Variants in MDFIC observed in about 807,000 individuals in gnomAD.
MDFIC encodes the protein MyoD family inhibitor domain containing, also known as myoD family inhibitor domain-containing protein.
A neutral mutation model predicts 23.2 loss-of-function variants in MDFIC; 17 were observed. The observed-to-expected ratio is 0.73, with a 90% CI of 0.50 to 1.10. The LOEUF is 1.10. MDFIC is among the 50% of genes least tolerant of loss of function. The pLI is 0.00. For missense variants in MDFIC, 356 were observed against 316.6 expected, an observed-to-expected ratio of 1.12 and a Z score of -0.95; for synonymous variants, 120 against 115.2, an observed-to-expected ratio of 1.04 and a Z score of -0.27.
At chr7:114,953,317 A>G (rs1792816451) in intron 3 of MDFIC, among the ~76,000 whole-genome samples, 1 of 152,232 alleles carries the variant, frequency 6.6e-6, no homozygotes, top group Admixed American at 6.5e-5. Context: ...GAAACAAAAA[A>G]ATAGGTATAT....
In MDFIC at chr7:114,942,483, C is replaced by T. The variant is rs377331628; in HGVS notation, c.217+86C>T. ...TCGTTAATTGCCCCAGATAATTCTG[C>T]TACAAATCCGTAAATCAACAGCGTT... On this transcript the variant is annotated intron_variant, in intron 3 of 4. Coordinates refer to ENST00000393486, the MANE Select transcript of MDFIC (RefSeq NM_001166345.3). The T allele has an allele frequency of 1.9e-5, 20 of 1,066,568 alleles. No individual in the cohort carries two copies. The African/African-American group carries it at 2.6e-4, about 14-fold the overall frequency. The allele number at this position is 1,066,568 out of a possible 1,614,324, so 66.1% of individuals were successfully genotyped here. A position where few individuals can be genotyped will look rare whatever the true frequency, so the allele number is the denominator to read the frequency against.
At chr7:114,927,179 T>C (rs1448610851) in intron 2 of MDFIC, among the ~76,000 whole-genome samples, 1 of 152,204 alleles carries the variant, frequency 6.6e-6, no homozygotes, top group Admixed American at 6.5e-5. Context: ...CCCAGACTTA[T>C]AGAATTAGGA....
chr7:114,992,113 T>C (rs745878134), intron 4 of MDFIC, among the ~76,000 whole-genome samples: 52 of 152,212 alleles, frequency 3.4e-4, no homozygotes, highest in Non-Finnish European at 5.7e-4. Flanking sequence ...TTTGAAGCAA[T>C]TGTGAATGGG....
intron 2 of MDFIC, among the ~76,000 whole-genome samples, chr7:114,925,206 G>A (rs1219635876): frequency 6.6e-6 from 1 of 151,932 alleles, no homozygotes; most frequent in Non-Finnish European, 1.5e-5. Flanking sequence ...TATATATATA[G>A]GTAAATAATG....
chr7:114,998,483 T>A lies in MDFIC; in HGVS notation c.494-17205T>A, dbSNP rs140579112. On this transcript the variant is annotated intron_variant, in intron 4 of 4. Transcript: ENST00000393486. Reference sequence around the variant, plus strand: ...CAGCTGGACTAAAGAAACATACTGATGTGTAATACATGCCTTAATTCATGT... The same window carrying A: ...CAGCTGGACTAAAGAAACATACTGAAGTGTAATACATGCCTTAATTCATGT... Among the ~76,000 whole-genome samples, 203 of 152,326 alleles carry A rather than the reference T, an allele frequency of 1.3e-3. 4 individuals are homozygous for A. In the East Asian group the frequency reaches 0.037, roughly 27 times the overall value.
chr7:114,982,764 A>G (rs1193146770), intron 4 of MDFIC, among the ~76,000 whole-genome samples: 1 of 152,168 alleles, frequency 6.6e-6, no homozygotes, highest in Non-Finnish European at 1.5e-5. Flanking sequence ...ATTTTCTCTC[A>G]GTTCTGGAGG....
intron 4 of MDFIC, among the ~76,000 whole-genome samples, chr7:114,990,672 A>G (rs1443131905): frequency 1.3e-5 from 2 of 152,230 alleles, no homozygotes; most frequent in African/African-American, 4.8e-5. Context: ...TACAAAGGAC[A>G]TGAACTCATC....
At chr7:114,928,118 T>C (rs1260164388) in intron 2 of MDFIC, among the ~76,000 whole-genome samples, 1 of 152,204 alleles carries the variant, frequency 6.6e-6, no homozygotes, top group Non-Finnish European at 1.5e-5. Context: ...ATTTTATGAT[T>C]TTAGTTATAC....
intron 3 of MDFIC, among the ~76,000 whole-genome samples, chr7:114,974,269 T>C (rs572720802): frequency 2.0e-5 from 3 of 149,826 alleles, no homozygotes; most frequent in Admixed American, 6.8e-5. Flanking sequence ...CTGTTGTATA[T>C]ATGCAAATAA....
intron 4 of MDFIC, among the ~76,000 whole-genome samples, chr7:115,000,877 A>G (rs970816381): frequency 1.3e-5 from 2 of 152,220 alleles, no homozygotes; most frequent in Non-Finnish European, 2.9e-5. Context: ...GAGAAAACAG[A>G]GGAAGTGCTT....
chr7:115,015,856 G>A lies in MDFIC; in HGVS notation c.662G>A (p.Gly221Asp), dbSNP rs1213155769. The A allele has an allele frequency of 6.2e-7, 1 of 1,614,198 alleles. No individual in the cohort carries two copies. The highest frequency in any genetic ancestry group is 1.7e-5 in the Admixed American group (1 of 60,028). Residue 221 changes from glycine (G) to aspartate (D), a missense_variant, in exon 5 of 5, where the codon GGC (glycine) becomes GAC (aspartate). Transcript: ENST00000393486. ...AACTGCCCTTGTGATATGGACTGTG[G>A]CATCATGGATGCCTGTTGTGAATCA... ...DCNCPCDMDC[G>D]IMDACCESSD... is the part of the protein sequence containing the mutation.
intron 3 of MDFIC, among the ~76,000 whole-genome samples, chr7:114,949,772 A>C (rs967577893): frequency 3.5e-5 from 3 of 84,966 alleles, no homozygotes; most frequent in African/African-American, 8.2e-5. Flanking sequence ...GTAGGTTCTC[A>C]TGGGATAACA....
chr7:114,961,625 T>G lies in MDFIC; in HGVS notation c.218-17881T>G, dbSNP rs1792993768. Among the ~76,000 whole-genome samples, 3 of 152,134 alleles carry G rather than the reference T, an allele frequency of 2.0e-5. No individual in the cohort carries two copies. In the South Asian group the frequency reaches 6.2e-4, roughly 32 times the overall value. On this transcript the variant is annotated intron_variant, in intron 3 of 4. Coordinates refer to ENST00000393486, the MANE Select transcript of MDFIC (RefSeq NM_001166345.3). Reference sequence around the variant, plus strand: ...ATGCATGCTGTACAGAAAGCACTGCTGGGGAGGCCTCAGAAAACTCACAAT... The same window carrying G: ...ATGCATGCTGTACAGAAAGCACTGCGGGGGAGGCCTCAGAAAACTCACAAT...
At position 114,922,490 on chromosome 7, in the gene MDFIC, CG is replaced by C; in HGVS notation, c.-251del. On this transcript the variant is annotated 5_prime_UTR_variant, in exon 1 of 5. Coordinates refer to ENST00000393486, the MANE Select transcript of MDFIC (RefSeq NM_001166345.3). Reference sequence around the variant, plus strand: ...GCGTCTGGGCTGAGCCGGAGGGAGGCGGGAGGACGCGCAGGGGCGGCCGCCG... The same window carrying C: ...GCGTCTGGGCTGAGCCGGAGGGAGGCGGAGGACGCGCAGGGGCGGCCGCCG... The C allele has an allele frequency of 1.6e-6, 2 of 1,253,688 alleles. No individual in the cohort carries two copies. The highest frequency in any genetic ancestry group is 2.0e-6 in the Non-Finnish European group (2 of 992,788). The allele number at this position is 1,253,688 out of a possible 1,614,324, so 77.7% of individuals were successfully genotyped here. A position where few individuals can be genotyped will look rare whatever the true frequency, so the allele number is the denominator to read the frequency against.
rs1049285837 is a variant in MDFIC, at chr7:114,970,555, T to C, written c.218-8951T>C. On this transcript the variant is annotated intron_variant, in intron 3 of 4. Coordinates refer to ENST00000393486, the MANE Select transcript of MDFIC (RefSeq NM_001166345.3). ...TTTGTATCAATTTAATAGCTTCCTG[T>C]CACTAGCTGTACTTCTGCAAGTGGT... Among the ~76,000 whole-genome samples, 9 of 152,256 alleles carry C rather than the reference T, an allele frequency of 5.9e-5. 1 individual carries two copies. The South Asian group carries it at 1.9e-3, about 32-fold the overall frequency.
chr7:114,949,497 G>A (rs544810631), intron 3 of MDFIC, among the ~76,000 whole-genome samples: 1 of 152,266 alleles, frequency 6.6e-6, no homozygotes, highest in South Asian at 2.1e-4. Flanking sequence ...AACACTCTGT[G>A]AACTTACACG....
intron 3 of MDFIC, among the ~76,000 whole-genome samples, chr7:114,953,907 G>T (rs1055346485): frequency 6.6e-6 from 1 of 152,068 alleles, no homozygotes; most frequent in African/African-American, 2.4e-5. Flanking sequence ...TTTGCACATG[G>T]TCCAGAAGTT....
At chr7:114,973,101 G>GTATATATATATA (rs61549771) in intron 3 of MDFIC, among the ~76,000 whole-genome samples, 10 of 147,758 alleles carry the variant, frequency 6.8e-5, no homozygotes, top group African/African-American at 2.0e-4. Context: ...GTGTGTGTGT[G>GTATATATATATA]TATATATATA....
In MDFIC at chr7:115,018,049, A is replaced by T. The variant is rs1791826420; in HGVS notation, c.*2114A>T. 1 of 152,150 alleles carries T rather than the reference A, an allele frequency of 6.6e-6. No homozygotes were observed. The highest frequency in any genetic ancestry group is 1.5e-5 in the Non-Finnish European group (1 of 67,866). The allele number at this position is 152,150 out of a possible 1,614,324, so 9.4% of individuals were successfully genotyped here. A position where few individuals can be genotyped will look rare whatever the true frequency, so the allele number is the denominator to read the frequency against. ...TTTATTGCTATTTACACATACATAC[A>T]CACATACAAAACCTTTAAATTTTGG... On this transcript the variant is annotated 3_prime_UTR_variant, in exon 5 of 5. Transcript: ENST00000393486.
Sources: gnomAD v4.1 joint callset for allele counts (sites outside exome capture counted in the v4.1 genomes callset) on GRCh38, gnomAD v4.1.1 for gene constraint, MANE v1.5 for transcripts, NCBI Gene and HGNC (gene_info 2026-07-23, HGNC 2026-07-21) for gene names.